Variants in ANK1 observed in about 807,000 individuals in gnomAD.
ANK1 encodes ankyrin-1.
Under a neutral mutation model 210.4 loss-of-function variants are expected in ANK1, and 51 were observed. The ratio of observed to expected loss-of-function variants is 0.24; its 90% CI spans 0.19 to 0.31. The LOEUF is 0.31. Among genes scored for constraint, ANK1 ranks in the 10% least tolerant of loss-of-function variants. The probability of loss-of-function intolerance (pLI) is 1.00; values close to 1 mark genes in which losing one functional copy is unlikely to be tolerated. For missense variants in ANK1, 2,051 were observed against 2,504.4 expected (o/e 0.82, Z 3.86); for synonymous variants, 967 against 1,025.9 (o/e 0.94, Z 1.10).
At chr8:41,838,802 C>T (rs879558007) in intron 1 of ANK1, among the ~76,000 whole-genome samples, 1 of 85,516 alleles carries the variant, frequency 1.2e-5, no homozygotes, top group Non-Finnish European at 2.3e-5. Flanking sequence ...AAAGGCCGGG[C>T]GCGGTGGCTC....
chr8:41,693,802 G>A (rs1045124499), intron 29 of ANK1, 96 bp downstream of exon 29: 17 of 1,387,984 alleles, frequency 1.2e-5, no homozygotes, highest in Non-Finnish European at 1.7e-5. Flanking sequence ...AAAAACTAAG[G>A]GGATTGCTGG....
intron 9 of ANK1, among the ~76,000 whole-genome samples, chr8:41,720,195 T>A (rs1393719141): frequency 6.6e-6 from 1 of 152,222 alleles, no homozygotes; most frequent in Non-Finnish European, 1.5e-5. Flanking sequence ...CATAGCTAAC[T>A]TTTTAGGGGA....
chr8:41,653,713 G>A lies in ANK1; in HGVS notation c.*2077C>T, dbSNP rs1305480136. 6.6e-6 allele frequency: 1 copy of A among 152,302 alleles called. No individual in the cohort carries two copies. Among genetic ancestry groups the A allele is most frequent in the African/African-American group, 2.4e-5 (1 of 41,468 alleles). 9.4% of individuals were successfully genotyped at this position (152,302 alleles called of 1,614,324 possible). On this transcript the variant is annotated 3_prime_UTR_variant, in exon 43 of 43. Coordinates refer to ENST00000289734, the MANE Select transcript of ANK1 (RefSeq NM_000037.4). ...GCCCCCCTGCCGTGGCCCCCGGGATGGGGGAGGATGGAGGGGGGCGCCTCT... is the reference window on the plus strand; with the variant it reads ...GCCCCCCTGCCGTGGCCCCCGGGATAGGGGAGGATGGAGGGGGGCGCCTCT...
chr8:41,689,662 T>G (rs1277206892), intron 33 of ANK1, among the ~76,000 whole-genome samples: 1 of 152,106 alleles, frequency 6.6e-6, no homozygotes, highest in Non-Finnish European at 1.5e-5. Context: ...TGGGATACTC[T>G]TACAGGTATC....
chr8:41,835,190 T>C (rs903585038), intron 1 of ANK1, among the ~76,000 whole-genome samples: 13 of 152,238 alleles, frequency 8.5e-5, no homozygotes, highest in Non-Finnish European at 1.3e-4. Flanking sequence ...AGGTGGCTCA[T>C]GCCTGTAATC....
intron 21 of ANK1, 46 bp downstream of exon 21, chr8:41,702,006 C>T: frequency 6.4e-7 from 1 of 1,574,628 alleles, no homozygotes; most frequent in Admixed American, 1.7e-5. Flanking sequence ...GCCTGTGCGC[C>T]AGGCTGAGTG....
chr8:41,671,025 C>T (rs995050554), intron 38 of ANK1, among the ~76,000 whole-genome samples: 4 of 152,200 alleles, frequency 2.6e-5, no homozygotes, highest in South Asian at 4.1e-4. Flanking sequence ...CTGCACTCAG[C>T]GGAGGGGCAT....
chr8:41,679,994 T>G (rs1290727552), intron 37 of ANK1, among the ~76,000 whole-genome samples: 1 of 152,178 alleles, frequency 6.6e-6, no homozygotes, highest in Non-Finnish European at 1.5e-5. Flanking sequence ...ATATAGTGTG[T>G]CCATTTTTTG....
At chr8:41,893,370 T>C (rs117766999) in intron 1 of ANK1, among the ~76,000 whole-genome samples, 2,095 of 152,288 alleles carry the variant, frequency 0.014, 24 homozygotes, top group Non-Finnish European at 0.021. Flanking sequence ...TGCACAGCAC[T>C]GAATGAAGCC....
chr8:41,890,708 C>CAAAAAA (rs557921949), intron 1 of ANK1, among the ~76,000 whole-genome samples: 1 of 62,924 alleles, frequency 1.6e-5, no homozygotes, highest in Non-Finnish European at 4.1e-5. Context: ...GACTCCGTCT[C>CAAAAAA]AAAAAAAAAA....
rs142163190 is a variant in ANK1, at chr8:41,668,410, C to G, written c.5251G>C (p.Glu1751Gln). 6.2e-7 allele frequency: 1 copy of G among 1,614,112 alleles called. No homozygotes were observed. Among genetic ancestry groups the G allele is most frequent in the Non-Finnish European group, 8.5e-7 (1 of 1,180,048 alleles). The change falls in exon 39 of 43, where the codon GAG (glutamate) becomes CAG (glutamine). Residue 1751 changes from glutamate (E) to glutamine (Q), a missense_variant. By Grantham distance (29) the Glu-to-Gln change is conservative. This residue lies in a region of ANK1 where 496 missense variants were observed against 533.4 expected (regional missense o/e 0.93). Coordinates refer to ENST00000289734, the MANE Select transcript of ANK1 (RefSeq NM_000037.4). ...GLEPGGSQEY[E>Q]KVLVSVSEHT... ...TCACTTACAGACACCAGGACCTTCTCGTACTCCTGAGATCCACCGGGCTCT... is the reference window on the plus strand; with the variant it reads ...TCACTTACAGACACCAGGACCTTCTGGTACTCCTGAGATCCACCGGGCTCT...
intron 1 of ANK1, among the ~76,000 whole-genome samples, chr8:41,843,807 T>C (rs1809494280): frequency 6.6e-6 from 1 of 152,220 alleles, no homozygotes; most frequent in Admixed American, 6.5e-5. Flanking sequence ...ATACGTATGA[T>C]GCAGGCAGGA....
chr8:41,660,659 C>T (rs1274146702), intron 42 of ANK1, among the ~76,000 whole-genome samples: 1 of 152,244 alleles, frequency 6.6e-6, no homozygotes, highest in African/African-American at 2.4e-5. Context: ...GCCCCATGCT[C>T]ACACACATGC....
chr8:41,875,964 T>TCGCACACCTGCCCGCG, intron 1 of ANK1, among the ~76,000 whole-genome samples: 1 of 151,892 alleles, frequency 6.6e-6, no homozygotes, highest in African/African-American at 2.4e-5. Flanking sequence ...GGGCGCACAC[T>TCGCACACCTGCCCGCG]CGCACACCTG....
At chr8:41,843,061 T>C (rs1307816654) in intron 1 of ANK1, among the ~76,000 whole-genome samples, 1 of 152,174 alleles carries the variant, frequency 6.6e-6, no homozygotes, top group Non-Finnish European at 1.5e-5. Context: ...TTGGCCAGGC[T>C]GGTCTTGAAC....
At chr8:41,711,154 G>A (rs1232747086) in intron 16 of ANK1, among the ~76,000 whole-genome samples, 1 of 152,212 alleles carries the variant, frequency 6.6e-6, no homozygotes, top group Non-Finnish European at 1.5e-5. Flanking sequence ...AATGGGGTGC[G>A]ATGCCGCAGA....
In ANK1 at chr8:41,706,127, C is replaced by T. The variant is rs749768310; in HGVS notation, c.2097+16G>A. ...AAGGAGTCCACACAGACTGAAGTTC[C>T]GGCTGCCTGCCTTACCCGGGTGGTG... is the stretch of plus-strand genomic sequence containing the variant. On this transcript the variant is annotated intron_variant, in intron 18 of 42. Coordinates refer to ENST00000289734, the MANE Select transcript of ANK1 (RefSeq NM_000037.4). The T allele has an allele frequency of 2.3e-5, 37 of 1,612,420 alleles. No homozygotes were observed. Among genetic ancestry groups the T allele is most frequent in the South Asian group, 1.1e-4 (10 of 91,032 alleles).
intron 37 of ANK1, among the ~76,000 whole-genome samples, chr8:41,681,636 C>T (rs757828419): frequency 2.0e-5 from 3 of 152,194 alleles, no homozygotes; most frequent in African/African-American, 4.8e-5. Context: ...AGCCAAGGTC[C>T]GACTGTGGGC....
At chr8:41,839,364 G>A (rs1223695790) in intron 1 of ANK1, among the ~76,000 whole-genome samples, 2 of 152,232 alleles carry the variant, frequency 1.3e-5, no homozygotes, top group Non-Finnish European at 2.9e-5. Flanking sequence ...CTGGCTGTTG[G>A]TGGCAGATCT....
Sources: gnomAD v4.1 joint callset for allele counts (sites outside exome capture counted in the v4.1 genomes callset) on GRCh38, gnomAD v4.1.1 for gene constraint, gnomAD v4.1.1 regional missense constraint, MANE v1.5 for transcripts, NCBI Gene and HGNC (gene_info 2026-07-23, HGNC 2026-07-21) for gene names.